Variants in DNAJC3 observed in about 807,000 individuals in gnomAD.
DNAJC3 encodes DnaJ heat shock protein family (Hsp40) member C3, also known as dnaJ homolog subfamily C member 3.
Under a neutral mutation model 68.6 loss-of-function variants are expected in DNAJC3, and 38 were observed. The ratio of observed to expected loss-of-function variants is 0.55; its 90% confidence interval spans 0.43 to 0.73. The LOEUF (loss-of-function observed/expected upper bound fraction) is 0.73. DNAJC3 is among the 30% of genes least tolerant of loss of function. DNAJC3 has a pLI of 0.00. For missense variants in DNAJC3, 526 were observed against 591.9 expected, an observed-to-expected ratio of 0.89 and a Z score of 1.16; for synonymous variants, 203 against 204.0, an observed-to-expected ratio of 1.00 and a Z score of 0.04.
At chr13:95,705,846 G>A (rs1880724596) in intron 1 of DNAJC3, among the ~76,000 whole-genome samples, 1 of 152,086 alleles carries the variant, frequency 6.6e-6, no homozygotes, top group African/African-American at 2.4e-5. Flanking sequence ...GCCACTAATA[G>A]GTTTCTAAAT....
intron 1 of DNAJC3, among the ~76,000 whole-genome samples, chr13:95,678,012 G>T (rs1209004973): frequency 1.3e-5 from 2 of 152,138 alleles, no homozygotes; most frequent in Non-Finnish European, 2.9e-5. Context: ...TTCCAAGTTC[G>T]CTGTAAAAAG....
intron 4 of DNAJC3, chr13:95,745,462 A>G (rs1189878505): frequency 1.3e-5 from 2 of 152,250 alleles, no homozygotes; most frequent in Non-Finnish European, 2.9e-5. Context: ...CAGTCCCTGC[A>G]TCTCTACATC....
chr13:95,713,645 T>C (rs982804337), intron 2 of DNAJC3, among the ~76,000 whole-genome samples: 2 of 152,198 alleles, frequency 1.3e-5, no homozygotes, highest in Non-Finnish European at 2.9e-5. Flanking sequence ...TAAAATGTCT[T>C]ATGGAAATGC....
intron 1 of DNAJC3, 148 bp downstream of exon 1, chr13:95,677,485 C>A: frequency 1.3e-6 from 1 of 756,050 alleles, no homozygotes; most frequent in Non-Finnish European, 2.0e-6. Context: ...GGCCTGAGCC[C>A]GCGCCCGGTT....
chr13:95,773,607 A>T (rs1157235055), intron 9 of DNAJC3, among the ~76,000 whole-genome samples: 2 of 151,860 alleles, frequency 1.3e-5, no homozygotes, highest in Non-Finnish European at 2.9e-5. Context: ...TCATAATATT[A>T]TCTTATTATT....
At chr13:95,764,863 T>C (rs1353226160) in intron 9 of DNAJC3, among the ~76,000 whole-genome samples, 1 of 151,352 alleles carries the variant, frequency 6.6e-6, no homozygotes, top group Non-Finnish European at 1.5e-5. Context: ...TAAGCCCTTA[T>C]TGCAAATATT....
chr13:95,762,377 T>C (rs1303106757), intron 7 of DNAJC3, among the ~76,000 whole-genome samples: 1 of 152,172 alleles, frequency 6.6e-6, no homozygotes, highest in African/African-American at 2.4e-5. Flanking sequence ...GTTTCTGCAT[T>C]GCTGGAATCT....
At chr13:95,747,929 A>AG (rs1882353256) in intron 4 of DNAJC3, among the ~76,000 whole-genome samples, 1 of 152,202 alleles carries the variant, frequency 6.6e-6, no homozygotes, top group Admixed American at 6.5e-5. Context: ...TTTAGGGGAG[A>AG]GGGACAGGTA....
At position 95,793,348 on chromosome 13, in the gene DNAJC3, T is replaced by A. The variant is rs976105249; in HGVS notation, c.*2318T>A. 5 of 138,072 alleles carry A rather than the reference T, an allele frequency of 3.6e-5. No homozygotes were observed. Among genetic ancestry groups the A allele is most frequent in the African/African-American group, 1.3e-4 (5 of 39,160 alleles). 8.6% of individuals were successfully genotyped at this position (138,072 alleles called of 1,614,324 possible). A position where few individuals can be genotyped will look rare whatever the true frequency, so the allele number is the denominator to read the frequency against. On this transcript the variant is annotated 3_prime_UTR_variant, in exon 12 of 12. Coordinates refer to ENST00000602402, the MANE Select transcript of DNAJC3 (RefSeq NM_006260.5). ...AGACAGTCACTCCTGCTTACCCTAA[T>A]GTGTGACTGAGAAGCAGCCTGGGTG...
At chr13:95,705,965 T>A (rs1382423223) in intron 1 of DNAJC3, among the ~76,000 whole-genome samples, 1 of 152,170 alleles carries the variant, frequency 6.6e-6, no homozygotes, top group Non-Finnish European at 1.5e-5. Context: ...TCTCTAAACC[T>A]TTGGATCCCT....
intron 1 of DNAJC3, among the ~76,000 whole-genome samples, chr13:95,704,856 T>G (rs1486856013): frequency 1.4e-5 from 2 of 139,478 alleles, no homozygotes; most frequent in Non-Finnish European, 3.0e-5. Flanking sequence ...TGTGTGTTTT[T>G]TTTTTTTTTT....
At chr13:95,784,202 A>G (rs949338599) in intron 9 of DNAJC3, among the ~76,000 whole-genome samples, 1 of 152,192 alleles carries the variant, frequency 6.6e-6, no homozygotes, top group African/African-American at 2.4e-5. Context: ...CCAGCAATCT[A>G]TTATTGGAAT....
chr13:95,782,945 A>G lies in DNAJC3; in HGVS notation c.1076-2994A>G, dbSNP rs867198762. Among the ~76,000 whole-genome samples, 9 of 152,214 alleles carry G rather than the reference A, an allele frequency of 5.9e-5. No individual in the cohort carries two copies. The East Asian group carries it at 1.4e-3, about 23-fold the overall frequency. ...TTTCTTCTAGGGTTTTTATGGTTTTATGTCTTACGTTTAAGTCTTTAGTCC... is the reference window on the plus strand; with the variant it reads ...TTTCTTCTAGGGTTTTTATGGTTTTGTGTCTTACGTTTAAGTCTTTAGTCC... On this transcript the variant is annotated intron_variant, in intron 9 of 11. Coordinates refer to ENST00000602402, the MANE Select transcript of DNAJC3 (RefSeq NM_006260.5).
intron 7 of DNAJC3, among the ~76,000 whole-genome samples, 198 bp downstream of exon 7, chr13:95,760,996 T>C (rs1342727218): frequency 6.6e-6 from 1 of 152,228 alleles, no homozygotes; most frequent in African/African-American, 2.4e-5. Flanking sequence ...CTGTGTAGTA[T>C]CCTTACCAGC....
chr13:95,728,330 C>T (rs1019657918), intron 4 of DNAJC3, among the ~76,000 whole-genome samples: 2 of 152,176 alleles, frequency 1.3e-5, no homozygotes, highest in South Asian at 2.1e-4. Flanking sequence ...TGCATCCTTG[C>T]CGGCATTTGG....
chr13:95,738,157 T>C (rs1462292851), intron 4 of DNAJC3, among the ~76,000 whole-genome samples: 2 of 148,750 alleles, frequency 1.3e-5, no homozygotes, highest in South Asian at 4.3e-4. Context: ...TAATCCTGAG[T>C]TCTAGTTTGA....
chr13:95,734,620 G>A (rs1286313819), intron 4 of DNAJC3, among the ~76,000 whole-genome samples: 1 of 152,136 alleles, frequency 6.6e-6, no homozygotes, highest in Non-Finnish European at 1.5e-5. Flanking sequence ...TTTTATCACT[G>A]TGGTTTTCTC....
intron 4 of DNAJC3, among the ~76,000 whole-genome samples, chr13:95,725,982 T>C (rs1593982369): frequency 1.3e-5 from 2 of 152,176 alleles, no homozygotes; most frequent in Non-Finnish European, 2.9e-5. Context: ...GTTTCATCCA[T>C]GTCGCTACAA....
chr13:95,763,547 T>C (rs957627320), intron 7 of DNAJC3, 96 bp from the exon 8 acceptor site: 5 of 1,157,780 alleles, frequency 4.3e-6, no homozygotes, highest in South Asian at 3.1e-5. Context: ...TCCAATTGGA[T>C]TGATTAAGCA....
Sources: allele counts gnomAD v4.1 joint callset (sites outside exome capture counted in the v4.1 genomes callset), GRCh38; gene constraint gnomAD v4.1.1; transcripts MANE v1.5; gene names NCBI Gene and HGNC (gene_info 2026-07-23, HGNC 2026-07-21).